Variants in SOX6 observed in about 807,000 individuals in gnomAD.
The protein encoded by SOX6 is transcription factor SOX-6.
SOX6 carries 11 observed loss-of-function variants against 97.8 expected under a neutral mutation model. The ratio of observed to expected loss-of-function variants is 0.11; its 90% CI spans 0.07 to 0.19. SOX6 has a LOEUF of 0.19. Among genes scored for constraint, SOX6 ranks in the 10% least tolerant of loss-of-function variants. The pLI, the probability that SOX6 is intolerant of heterozygous loss-of-function variation, is 1.00. For synonymous variants in SOX6, 360 were observed against 371.4 expected (o/e 0.97, Z 0.35); for missense variants, 810 against 1,039.5 (o/e 0.78, Z 3.04).
chr11:16,419,640 TG>T (rs1311676333), intron 1 of SOX6, among the ~76,000 whole-genome samples: 3 of 152,242 alleles, frequency 2.0e-5, no homozygotes, highest in African/African-American at 7.2e-5. Flanking sequence ...TAGATAATAA[TG>T]ATGAAAAATA....
At chr11:16,719,264 G>T (rs1237777009) in intron 2 of SOX6, among the ~76,000 whole-genome samples, 1 of 152,122 alleles carries the variant, frequency 6.6e-6, no homozygotes, top group Non-Finnish European at 1.5e-5. Context: ...GCATTGCCAA[G>T]AATAGGAATC....
chr11:16,060,032 G>A (rs1160858707), intron 9 of SOX6, among the ~76,000 whole-genome samples: 1 of 151,782 alleles, frequency 6.6e-6, no homozygotes, highest in African/African-American at 2.4e-5. Flanking sequence ...AACAGTCCTT[G>A]GTTATCATTT....
intron 1 of SOX6, among the ~76,000 whole-genome samples, chr11:16,385,409 G>T (rs1643078106): frequency 6.6e-6 from 1 of 151,912 alleles, no homozygotes; most frequent in South Asian, 2.1e-4. Context: ...TAAAAAGAGG[G>T]TAAGTTTAAA....
At chr11:16,474,835 C>T (rs12796718) in intron 1 of SOX6, among the ~76,000 whole-genome samples, 25,948 of 152,130 alleles carry the variant, frequency 0.17, 2,268 homozygotes, top group African/African-American at 0.19. Flanking sequence ...CCTCTCTGGC[C>T]ATCAAAGTCC....
intron 1 of SOX6, among the ~76,000 whole-genome samples, chr11:16,418,570 C>T (rs557797403): frequency 6.6e-6 from 1 of 152,258 alleles, no homozygotes; most frequent in African/African-American, 2.4e-5. Context: ...TCGAGGCCGA[C>T]TTCAATCTGG....
In SOX6 at chr11:15,971,515, G is replaced by A. The variant is rs1196451596; in HGVS notation, c.*1294C>T. 6.6e-6 allele frequency: 1 copy of A among 152,666 alleles called. No homozygotes were observed. The highest frequency in any genetic ancestry group is 1.5e-5 in the Non-Finnish European group (1 of 68,084). 9.5% of individuals were successfully genotyped at this position (152,666 alleles called of 1,614,324 possible). A position where few individuals can be genotyped will look rare whatever the true frequency, so the allele number is the denominator to read the frequency against. On this transcript the variant is annotated 3_prime_UTR_variant, in exon 16 of 16. Coordinates refer to ENST00000683767, the MANE Select transcript of SOX6 (RefSeq NM_001367873.1). ...GCCACTGATGCAGACCCTACCACTT[G>A]TGAACTGAATTAGGGGAAAATTCTG... is the stretch of plus-strand genomic sequence containing the variant.
At chr11:16,573,279 T>C (rs112461192) in intron 4 of SOX6, among the ~76,000 whole-genome samples, 18 of 152,310 alleles carry the variant, frequency 1.2e-4, no homozygotes, top group African/African-American at 2.4e-4. Context: ...CAGCTTCATT[T>C]AAATGTGCCA....
intron 4 of SOX6, among the ~76,000 whole-genome samples, chr11:16,492,469 C>T (rs776549237): frequency 2.0e-5 from 3 of 152,190 alleles, no homozygotes; most frequent in Non-Finnish European, 2.9e-5. Flanking sequence ...GGAGTAAACA[C>T]CACTAGAAGA....
At chr11:16,226,325 GTTTTTGTTTTTGT>G (rs1565032031) in intron 4 of SOX6, among the ~76,000 whole-genome samples, 6 of 51,260 alleles carry the variant, frequency 1.2e-4, no homozygotes, top group South Asian at 2.5e-3. Flanking sequence ...TGTTTTTTTT[GTTTTTGTTTTTGT>G]TTTTTTTTTC....
chr11:16,421,120 G>A (rs1036636545), intron 1 of SOX6, among the ~76,000 whole-genome samples: 13 of 152,096 alleles, frequency 8.5e-5, no homozygotes, highest in African/African-American at 2.9e-4. Flanking sequence ...GAGTCTAACA[G>A]GGACAGTATC....
intron 3 of SOX6, among the ~76,000 whole-genome samples, chr11:16,644,228 C>G (rs530096167): frequency 2.6e-5 from 4 of 152,262 alleles, no homozygotes; most frequent in African/African-American, 9.6e-5. Flanking sequence ...TTTATAGACA[C>G]AGGGTTTCAC....
chr11:16,510,379 A>T (rs532470093), intron 4 of SOX6, among the ~76,000 whole-genome samples: 13 of 151,986 alleles, frequency 8.6e-5, no homozygotes, highest in African/African-American at 3.1e-4. Flanking sequence ...TTCAACTTGT[A>T]TTAATTCAGC....
At chr11:16,488,345 T>C (rs563840990) in intron 4 of SOX6, among the ~76,000 whole-genome samples, 3 of 152,238 alleles carry the variant, frequency 2.0e-5, no homozygotes, top group South Asian at 2.1e-4. Flanking sequence ...TAAAACTATA[T>C]AATCTCACTT....
At chr11:16,271,493 T>G (rs918266333) in intron 3 of SOX6, among the ~76,000 whole-genome samples, 3 of 151,470 alleles carry the variant, frequency 2.0e-5, no homozygotes, top group Non-Finnish European at 4.4e-5. Flanking sequence ...TTTCTGGGCC[T>G]AGTGCTTTAA....
chr11:16,501,878 T>C (rs1468494328), intron 4 of SOX6, among the ~76,000 whole-genome samples: 1 of 152,178 alleles, frequency 6.6e-6, no homozygotes, highest in Non-Finnish European at 1.5e-5. Context: ...TGTAAACTAG[T>C]TCAACCATTG....
intron 15 of SOX6, among the ~76,000 whole-genome samples, chr11:15,975,299 C>G (rs1220100954): frequency 2.0e-5 from 3 of 152,170 alleles, no homozygotes; most frequent in Non-Finnish European, 2.9e-5. Flanking sequence ...AAATTTTATG[C>G]TAACCTTATA....
intron 4 of SOX6, among the ~76,000 whole-genome samples, chr11:16,523,558 T>C (rs1366527811): frequency 6.6e-6 from 1 of 151,312 alleles, no homozygotes; most frequent in Non-Finnish European, 1.5e-5. Flanking sequence ...CACCCTAACA[T>C]CACAATTAAA....
At chr11:16,581,412 G>A (rs1474855565) in intron 4 of SOX6, among the ~76,000 whole-genome samples, 1 of 152,064 alleles carries the variant, frequency 6.6e-6, no homozygotes, top group Admixed American at 6.6e-5. Flanking sequence ...AGAACACATG[G>A]ACACAGGGAG....
chr11:16,621,943 G>T (rs1412105285), intron 3 of SOX6, among the ~76,000 whole-genome samples: 2 of 152,006 alleles, frequency 1.3e-5, no homozygotes, highest in Non-Finnish European at 2.9e-5. Context: ...TTTTGCTCAG[G>T]CCTGATTTCT....
Sources: gnomAD v4.1 joint callset for allele counts (sites outside exome capture counted in the v4.1 genomes callset) on GRCh38, gnomAD v4.1.1 for gene constraint, MANE v1.5 for transcripts, NCBI Gene and HGNC (gene_info 2026-07-23, HGNC 2026-07-21) for gene names.